SPTBN1: variants seen among roughly 807,000 people sequenced by gnomAD.
SPTBN1 encodes the protein spectrin beta chain, non-erythrocytic 1.
In SPTBN1, 32 loss-of-function variants were observed where a neutral mutation model predicts 266.4. That is an observed-to-expected ratio of 0.12 (90% CI 0.09 to 0.16). The LOEUF (loss-of-function observed/expected upper bound fraction) is 0.16, where lower values mean the gene tolerates loss of function less well. SPTBN1 is among the 10% of genes least tolerant of loss of function. The pLI is 1.00. For missense variants in SPTBN1, 2,296 were observed against 3,067.1 expected (o/e 0.75, Z 5.94); for synonymous variants, 1,336 against 1,162.2 (o/e 1.15, Z -3.04).
At chr2:54,561,774 TTAAAA>T (rs1252377427) in intron 2 of SPTBN1, among the ~76,000 whole-genome samples, 6 of 148,942 alleles carry the variant, frequency 4.0e-5, no homozygotes, top group Admixed American at 1.3e-4. Context: ...TATATATAGT[TTAAAA>T]TAAAAATAAG....
At chr2:54,599,778 CCCTG>C (rs1676356630) in intron 3 of SPTBN1, among the ~76,000 whole-genome samples, 1 of 152,180 alleles carries the variant, frequency 6.6e-6, no homozygotes. Flanking sequence ...GATGAATTCA[CCCTG>C]CCTTTTCAGG....
chr2:54,495,729 TATC>T (rs756090375), intron 1 of SPTBN1, among the ~76,000 whole-genome samples: 3 of 151,838 alleles, frequency 2.0e-5, no homozygotes, highest in Non-Finnish European at 4.4e-5. Flanking sequence ...AGACATAAAA[TATC>T]ATTGTTTTTA....
intron 2 of SPTBN1, among the ~76,000 whole-genome samples, chr2:54,569,513 C>T (rs1673910960): frequency 6.6e-6 from 1 of 152,220 alleles, no homozygotes; most frequent in Non-Finnish European, 1.5e-5. Flanking sequence ...CATATACACA[C>T]ACGTGCAGTT....
intron 1 of SPTBN1, among the ~76,000 whole-genome samples, chr2:54,499,929 C>G (rs1669161984): frequency 6.6e-6 from 1 of 152,162 alleles, no homozygotes; most frequent in African/African-American, 2.4e-5. Flanking sequence ...TGGGTACTTT[C>G]CAATGGAGGA....
chr2:54,526,356 C>T lies in SPTBN1; in HGVS notation c.-47-16C>T. On this transcript the variant is annotated splice_polypyrimidine_tract_variant and intron_variant, in intron 1 of 35. Coordinates refer to ENST00000356805, the MANE Select transcript of SPTBN1 (RefSeq NM_003128.3). ...CACTTCAGACGTCTAAATGTTTTTC[C>T]TTTTCTTTCTCATAGAACTCTAAGA... is the stretch of plus-strand genomic sequence containing the variant. The T allele has an allele frequency of 6.3e-7, 1 of 1,588,416 alleles. No homozygotes were observed. The highest frequency in any genetic ancestry group is 1.1e-5 in the South Asian group (1 of 87,356).
intron 2 of SPTBN1, among the ~76,000 whole-genome samples, chr2:54,587,548 A>G (rs1246552733): frequency 1.3e-5 from 2 of 152,190 alleles, no homozygotes; most frequent in Non-Finnish European, 2.9e-5. Context: ...ATTGCAAGTT[A>G]CCCTCAGCCC....
rs144485984 is a variant in SPTBN1 at position 54,621,682 on chromosome 2, G to A, written c.876+170G>A. Among the ~76,000 whole-genome samples, 441 of 152,292 alleles carry A rather than the reference G, an allele frequency of 2.9e-3. 1 individual carries two copies. The highest frequency in any genetic ancestry group is 4.5e-3 in the Non-Finnish European group (307 of 68,018). ...CTGAAGGGTAACAAGAGGTGGGAGA[G>A]ATGGCCACCATATTTAGGAAAGGAT... On this transcript the variant is annotated intron_variant, in intron 8 of 35. Transcript: ENST00000356805.
At chr2:54,605,633 T>G (rs758489266) in intron 3 of SPTBN1, among the ~76,000 whole-genome samples, 5 of 152,214 alleles carry the variant, frequency 3.3e-5, no homozygotes, top group Non-Finnish European at 7.3e-5. Flanking sequence ...CTCTTGAAAT[T>G]AATTTCTTGT....
chr2:54,661,225 A>G (rs1681020667), intron 32 of SPTBN1: 1 of 985,744 alleles, frequency 1.0e-6, no homozygotes, highest in African/African-American at 1.7e-5. Context: ...TGTTTTCACA[A>G]AAATCCTTTT....
intron 2 of SPTBN1, among the ~76,000 whole-genome samples, chr2:54,568,430 A>G (rs1673823811): frequency 6.6e-6 from 1 of 151,996 alleles, no homozygotes; most frequent in Non-Finnish European, 1.5e-5. Flanking sequence ...CTATGAACAG[A>G]CAAGGAAATA....
chr2:54,631,912 T>G (rs1376578793), intron 16 of SPTBN1, among the ~76,000 whole-genome samples: 1 of 152,032 alleles, frequency 6.6e-6, no homozygotes, highest in Admixed American at 6.5e-5. Context: ...ATTGATCCAA[T>G]TTAAAAGATA....
chr2:54,659,032 T>G, intron 30 of SPTBN1, 122 bp from the exon 31 acceptor site: 3 of 942,366 alleles, frequency 3.2e-6, no homozygotes, highest in Non-Finnish European at 3.3e-6. Context: ...ATGTTAGAGC[T>G]TCTTGTCCAG....
At chr2:54,563,572 G>T (rs1327984539) in intron 2 of SPTBN1, among the ~76,000 whole-genome samples, 2 of 143,112 alleles carry the variant, frequency 1.4e-5, no homozygotes, top group Non-Finnish European at 3.1e-5. Context: ...TTATACCTCT[G>T]AATCATGAAG....
At chr2:54,633,918 T>A (rs1678938663) in intron 17 of SPTBN1, among the ~76,000 whole-genome samples, 1 of 152,214 alleles carries the variant, frequency 6.6e-6, no homozygotes, top group Non-Finnish European at 1.5e-5. Context: ...AGGGTGGTAT[T>A]GTGGAATAGA....
intron 2 of SPTBN1, among the ~76,000 whole-genome samples, chr2:54,530,597 T>A (rs1573351495): frequency 6.6e-6 from 1 of 152,104 alleles, no homozygotes; most frequent in Admixed American, 6.6e-5. Flanking sequence ...GACCTCATGA[T>A]CTGCCCGCCT....
chr2:54,509,121 C>T (rs1015928810), intron 1 of SPTBN1, among the ~76,000 whole-genome samples: 1 of 152,160 alleles, frequency 6.6e-6, no homozygotes, highest in East Asian at 1.9e-4. Flanking sequence ...CATAGCCTGC[C>T]TTTGCTGGTG....
At chr2:54,581,577 C>CTTTTTTTTTTTT (rs70944181) in intron 2 of SPTBN1, among the ~76,000 whole-genome samples, 3 of 102,678 alleles carry the variant, frequency 2.9e-5, no homozygotes, top group Admixed American at 1.1e-4. Flanking sequence ...TTTCTTTGCC[C>CTTTTTTTTTTTT]TTTTTTTTTT....
In SPTBN1 at chr2:54,531,455, T is replaced by C. The variant is rs560615105; in HGVS notation, c.148+4889T>C. 1.2e-4 allele frequency among the ~76,000 whole-genome samples: 19 copies of C among 152,278 alleles called. No individual in the cohort carries two copies. In the South Asian group the frequency reaches 3.3e-3, roughly 27 times the overall value. ...CTTGTTTGTTTAGAAATGGGGTCTT[T>C]CTGTGTTGCTCAGGCTAGAGTACAG... On this transcript the variant is annotated intron_variant, in intron 2 of 35. Transcript: ENST00000356805.
intron 2 of SPTBN1, among the ~76,000 whole-genome samples, chr2:54,572,873 G>A (rs1573443876): frequency 1.3e-5 from 2 of 152,206 alleles, no homozygotes; most frequent in Non-Finnish European, 2.9e-5. Context: ...TGGAAAGGGA[G>A]AGGGCTGGAG....
Sources: gnomAD v4.1 joint callset for allele counts (sites outside exome capture counted in the v4.1 genomes callset) on GRCh38, gnomAD v4.1.1 for gene constraint, MANE v1.5 for transcripts, NCBI Gene and HGNC (gene_info 2026-07-23, HGNC 2026-07-21) for gene names.